The following LIPC variants were observed in gnomAD, a reference collection of about 807,000 sequenced individuals.
The protein encoded by LIPC is lipase C, hepatic type.
Under a neutral mutation model 50.7 loss-of-function variants are expected in LIPC, and 44 were observed. That is an observed-to-expected ratio of 0.87 (90% CI 0.68 to 1.11). The LOEUF is 1.11. LIPC is among the 50% of genes most tolerant of loss of function. The probability of loss-of-function intolerance (pLI) is 0.00; values close to 1 mark genes in which losing one functional copy is unlikely to be tolerated. For synonymous variants in LIPC, 271 were observed against 256.4 expected (o/e 1.06, Z -0.54); for missense variants, 697 against 648.2 (o/e 1.08, Z -0.82).
At chr15:58,541,430 T>C (rs866994189) in intron 2 of LIPC, among the ~76,000 whole-genome samples, 1 of 150,298 alleles carries the variant, frequency 6.7e-6, no homozygotes, top group Non-Finnish European at 1.5e-5. Flanking sequence ...ATTTCTCCAC[T>C]GTTTTAAGGT....
At chr15:58,556,350 C>T (rs1197854855) in intron 6 of LIPC, among the ~76,000 whole-genome samples, 2 of 152,138 alleles carry the variant, frequency 1.3e-5, no homozygotes, top group African/African-American at 2.4e-5. Context: ...CACAGATGCC[C>T]GTGAGACAAG....
Position 58,560,999 on chromosome 15 carries a change from C to T in LIPC, c.1169+18C>T, listed in dbSNP as rs765880506. On this transcript the variant is annotated intron_variant, in intron 7 of 8. Transcript: ENST00000299022. ...ATCACTCTGTGAGTAGGAGGTGTAG[C>T]CCCCTAGGGTGATGACACACTTATT... is the stretch of plus-strand genomic sequence containing the variant. 3.9e-6 allele frequency: 4 copies of T among 1,026,848 alleles called. No individual in the cohort carries two copies. The highest frequency in any genetic ancestry group is 5.8e-6 in the Non-Finnish European group (4 of 687,032). 63.6% of individuals were successfully genotyped at this position (1,026,848 alleles called of 1,614,324 possible). A position where few individuals can be genotyped will look rare whatever the true frequency, so the allele number is the denominator to read the frequency against.
At chr15:58,501,262 G>A (rs1490233270) in intron 1 of LIPC, among the ~76,000 whole-genome samples, 1 of 151,852 alleles carries the variant, frequency 6.6e-6, no homozygotes, top group Non-Finnish European at 1.5e-5. Context: ...ACTCTTTCTG[G>A]GAGGGATTTA....
intron 1 of LIPC, among the ~76,000 whole-genome samples, chr15:58,498,404 A>G (rs11854840): frequency 0.35 from 53,859 of 151,964 alleles, 10,003 homozygotes; most frequent in South Asian, 0.53. Flanking sequence ...TGCGTTATCA[A>G]TAGGGGCCAT....
intron 1 of LIPC, among the ~76,000 whole-genome samples, chr15:58,483,885 C>T (rs1347129760): frequency 6.6e-6 from 1 of 152,150 alleles, no homozygotes; most frequent in Non-Finnish European, 1.5e-5. Flanking sequence ...TCCCTCCATA[C>T]TTAAAGGGGG....
At chr15:58,432,210 G>A in intron 1 of LIPC, 90 bp downstream of exon 1, 2 of 993,042 alleles carry the variant, frequency 2.0e-6, no homozygotes, top group Non-Finnish European at 3.2e-6. Flanking sequence ...TGACTGTATG[G>A]GACAGAGCTT....
At chr15:58,475,535 C>T (rs1337086059) in intron 1 of LIPC, among the ~76,000 whole-genome samples, 2 of 152,154 alleles carry the variant, frequency 1.3e-5, no homozygotes, top group Non-Finnish European at 2.9e-5. Context: ...CCCTGAACCA[C>T]CCCCCAGAAA....
At chr15:58,436,690 C>T (rs1352001846) in intron 1 of LIPC, 1 of 456,010 alleles carries the variant, frequency 2.2e-6, no homozygotes, top group Admixed American at 2.3e-5. Context: ...TAGAACAGAA[C>T]ATGGCATGAG....
chr15:58,565,292 C>T (rs1445487237), intron 8 of LIPC: 2 of 1,535,512 alleles, frequency 1.3e-6, no homozygotes, highest in Admixed American at 3.9e-5. Context: ...GAGCTCTGAC[C>T]CTGCCCAGAT....
chr15:58,537,190 A>T (rs1230646509), intron 1 of LIPC, among the ~76,000 whole-genome samples: 1 of 152,146 alleles, frequency 6.6e-6, no homozygotes, highest in East Asian at 1.9e-4. Context: ...ATGCCACGCC[A>T]TGGAAACGCG....
chr15:58,460,694 G>A (rs575870786), intron 1 of LIPC, among the ~76,000 whole-genome samples: 11 of 152,278 alleles, frequency 7.2e-5, no homozygotes, highest in African/African-American at 2.6e-4. Flanking sequence ...GCTCACACAG[G>A]TCCATTTCCT....
intron 1 of LIPC, among the ~76,000 whole-genome samples, chr15:58,528,611 C>T (rs1446485937): frequency 6.6e-6 from 1 of 152,048 alleles, no homozygotes; most frequent in African/African-American, 2.4e-5. Context: ...CTCAGGTGAT[C>T]CTCCCACCTC....
intron 1 of LIPC, among the ~76,000 whole-genome samples, chr15:58,480,920 G>A (rs564609672): frequency 3.3e-5 from 5 of 152,172 alleles, no homozygotes; most frequent in South Asian, 2.1e-4. Flanking sequence ...CAAGCTTCTC[G>A]GAGGCAGGTC....
intron 1 of LIPC, among the ~76,000 whole-genome samples, chr15:58,462,411 C>T (rs1444997665): frequency 6.6e-6 from 1 of 152,212 alleles, no homozygotes; most frequent in Non-Finnish European, 1.5e-5. Flanking sequence ...AACAGTATTA[C>T]ATTTAGTGTT....
chr15:58,493,618 CGT>C (rs1566928239), intron 1 of LIPC, among the ~76,000 whole-genome samples: 17 of 135,830 alleles, frequency 1.3e-4, no homozygotes, highest in Non-Finnish European at 2.4e-4. Flanking sequence ...AAATTTATTA[CGT>C]ATAAATAAAA....
intron 1 of LIPC, among the ~76,000 whole-genome samples, chr15:58,479,891 G>C (rs1247104726): frequency 1.3e-5 from 2 of 152,198 alleles, no homozygotes; most frequent in Non-Finnish European, 2.9e-5. Context: ...TCACTAGCTA[G>C]TCATTTAGGC....
intron 1 of LIPC, among the ~76,000 whole-genome samples, chr15:58,512,701 G>A (rs1370620296): frequency 6.6e-6 from 1 of 152,176 alleles, no homozygotes; most frequent in Non-Finnish European, 1.5e-5. Context: ...AGCTTCAGCA[G>A]ACAGAGGCGC....
chr15:58,568,992 A>G lies in LIPC; in HGVS notation c.*165A>G, dbSNP rs933914770. ...ACTCTCATAAACTGAGCTTTTAAAAACGATATGATATAACTATTTTCCAGT... is the reference window on the plus strand; with the variant it reads ...ACTCTCATAAACTGAGCTTTTAAAAGCGATATGATATAACTATTTTCCAGT... On this transcript the variant is annotated 3_prime_UTR_variant, in exon 9 of 9. Transcript: ENST00000299022. 15 of 517,644 alleles carry G rather than the reference A, an allele frequency of 2.9e-5. No individual in the cohort carries two copies. The highest frequency in any genetic ancestry group is 3.0e-5 in the East Asian group (1 of 33,182). The allele number at this position is 517,644 out of a possible 1,614,324, so 32.1% of individuals were successfully genotyped here.
At chr15:58,512,539 C>T (rs1390790997) in intron 1 of LIPC, among the ~76,000 whole-genome samples, 1 of 152,178 alleles carries the variant, frequency 6.6e-6, no homozygotes, top group Non-Finnish European at 1.5e-5. Flanking sequence ...AGAAGGATGG[C>T]CTGGGCCGGC....
Sources: allele counts gnomAD v4.1 joint callset (sites outside exome capture counted in the v4.1 genomes callset), GRCh38; gene constraint gnomAD v4.1.1; transcripts MANE v1.5; gene names NCBI Gene and HGNC (gene_info 2026-07-23, HGNC 2026-07-21).